DKK3: variants seen among roughly 807,000 people sequenced by gnomAD.
DKK3 encodes dickkopf Wnt signaling pathway inhibitor 3.
DKK3 carries 22 observed loss-of-function variants against 33.2 expected under a neutral mutation model. The observed-to-expected ratio is 0.66, with a 90% CI of 0.47 to 0.95. The LOEUF (loss-of-function observed/expected upper bound fraction) is 0.95, where lower values mean the gene tolerates loss of function less well. Among genes scored for constraint, DKK3 ranks in the 40% least tolerant of loss-of-function variants. The pLI, the probability that DKK3 is intolerant of heterozygous loss-of-function variation, is 0.00. For missense variants in DKK3, 398 were observed against 458.4 expected, an observed-to-expected ratio of 0.87 and a Z score of 1.20; for synonymous variants, 194 against 188.8, an observed-to-expected ratio of 1.03 and a Z score of -0.23.
At chr11:11,989,981 CTAAA>C (rs1402206255) in intron 3 of DKK3, among the ~76,000 whole-genome samples, 2 of 152,104 alleles carry the variant, frequency 1.3e-5, no homozygotes, top group Non-Finnish European at 2.9e-5. Flanking sequence ...CAGCGCCTGA[CTAAA>C]TAAGGGAATA....
In DKK3 at chr11:11,965,797, A is replaced by G. The variant is rs745692803; in HGVS notation, c.830+12T>C. The G allele has an allele frequency of 9.9e-6, 16 of 1,613,054 alleles. No individual in the cohort carries two copies. Among genetic ancestry groups the G allele is most frequent in the Non-Finnish European group, 1.4e-5 (16 of 1,179,732 alleles). ...CCTTGGCTCCCTGAGAGTGAGGGTT[A>G]GGGGGCCTCACCTGTGGGGCTGGCA... On this transcript the variant is annotated intron_variant, in intron 6 of 6. Transcript: ENST00000683431.
intron 3 of DKK3, among the ~76,000 whole-genome samples, chr11:11,985,475 G>A (rs767882645): frequency 2.0e-5 from 3 of 152,190 alleles, no homozygotes; most frequent in Non-Finnish European, 4.4e-5. Flanking sequence ...GATTAAGGGT[G>A]ATAAGTATGA....
chr11:12,002,512 T>A (rs1848452450), intron 1 of DKK3, 75 bp from the exon 2 acceptor site: 2 of 1,418,640 alleles, frequency 1.4e-6, no homozygotes. Context: ...AAAAAAAAAA[T>A]CTCTTTTCCT....
intron 3 of DKK3, among the ~76,000 whole-genome samples, chr11:11,986,101 C>T (rs1848065586): frequency 6.6e-6 from 1 of 152,130 alleles, no homozygotes; most frequent in Admixed American, 6.5e-5. Flanking sequence ...CCTCTGCCCA[C>T]CCCAGCCACC....
intron 3 of DKK3, among the ~76,000 whole-genome samples, chr11:11,987,482 G>C (rs1848095035): frequency 6.6e-6 from 1 of 152,226 alleles, no homozygotes; most frequent in African/African-American, 2.4e-5. Flanking sequence ...GTGGAACACA[G>C]GTTTCAAGGA....
chr11:11,977,204 T>C (rs746498989), intron 3 of DKK3, among the ~76,000 whole-genome samples: 1 of 152,108 alleles, frequency 6.6e-6, no homozygotes, highest in South Asian at 2.1e-4. Context: ...TGGAGAACAC[T>C]GCTCCTAACC....
At chr11:11,988,968 A>G (rs1848131089) in intron 3 of DKK3, among the ~76,000 whole-genome samples, 1 of 152,240 alleles carries the variant, frequency 6.6e-6, no homozygotes, top group Non-Finnish European at 1.5e-5. Flanking sequence ...GCACTGCCTT[A>G]TCCAAGGACA....
chr11:11,997,933 G>T (rs1287129818), intron 3 of DKK3, among the ~76,000 whole-genome samples: 1 of 151,986 alleles, frequency 6.6e-6, no homozygotes, highest in South Asian at 2.1e-4. Flanking sequence ...GATACAGGGG[G>T]GCTGGCTTCC....
chr11:11,976,498 T>G (rs1338275699), intron 3 of DKK3, among the ~76,000 whole-genome samples: 1 of 152,216 alleles, frequency 6.6e-6, no homozygotes, highest in Non-Finnish European at 1.5e-5. Context: ...TGAAGTCACT[T>G]GCCAAAATCA....
intron 2 of DKK3, 63 bp from the exon 3 acceptor site, chr11:11,998,842 GT>G (rs1848358430): frequency 6.7e-7 from 1 of 1,481,650 alleles, no homozygotes; most frequent in Non-Finnish European, 9.4e-7. Context: ...TCCACAAGTT[GT>G]TTTTGTGTTT....
chr11:11,990,666 T>TCTCCCCCAGCTTTACTTGCTG (rs1437510782), intron 3 of DKK3, among the ~76,000 whole-genome samples: 1 of 152,164 alleles, frequency 6.6e-6, no homozygotes, highest in East Asian at 1.9e-4. Flanking sequence ...CATCCCTGCC[T>TCTCCCCCAGCTTTACTTGCTG]CTCCCCCAGC....
chr11:11,970,618 C>T (rs11602449), intron 3 of DKK3, among the ~76,000 whole-genome samples: 36,565 of 152,058 alleles, frequency 0.24, 4,665 homozygotes, highest in Middle Eastern at 0.44. Context: ...AGGTAGGGAG[C>T]GCACTCTGGA....
At chr11:11,998,513 T>C in intron 3 of DKK3, 183 bp downstream of exon 3, 1 of 665,870 alleles carries the variant, frequency 1.5e-6, no homozygotes, top group Non-Finnish European at 2.7e-6. Flanking sequence ...CATGGAGGCG[T>C]AACCTATTAC....
In DKK3 at chr11:11,997,293, T is replaced by C. The variant is rs146420189; in HGVS notation, c.435+1403A>G. On this transcript the variant is annotated intron_variant, in intron 3 of 6. Coordinates refer to ENST00000683431, the MANE Select transcript of DKK3 (RefSeq NM_001018057.2). ...ACAACCCTGTGAGTTCTGCTTCCCC[T>C]GCCCTTTTCATTCTACAACTCTGCT... Among the ~76,000 whole-genome samples, 132 of 152,306 alleles carry C rather than the reference T, an allele frequency of 8.7e-4. 1 individual carries two copies. Among genetic ancestry groups the C allele is most frequent in the African/African-American group, 3.1e-3 (127 of 41,566 alleles).
intron 3 of DKK3, among the ~76,000 whole-genome samples, chr11:11,989,890 G>C (rs1848152833): frequency 6.6e-6 from 1 of 152,176 alleles, no homozygotes; most frequent in Non-Finnish European, 1.5e-5. Context: ...TACTTCATCT[G>C]TAAAATGGGG....
At position 12,008,060 on chromosome 11, in the gene DKK3, A is replaced by T. The variant is rs1257841968; in HGVS notation, c.213+310T>A. ...AGGGGCCCTGCAAACCTCTGCTGACAATAGGGAAGGCCAACGGCATGCCTG... is the reference window on the plus strand; with the variant it reads ...AGGGGCCCTGCAAACCTCTGCTGACTATAGGGAAGGCCAACGGCATGCCTG... On this transcript the variant is annotated intron_variant, in intron 1 of 6. Transcript: ENST00000683431. This position sits in a 1 kb window ranked among gnomAD's most constrained non-coding sequence, Gnocchi z 4.6. Among the ~76,000 whole-genome samples the T allele has an allele frequency of 6.6e-6, 1 of 151,998 alleles. No homozygotes were observed. The highest frequency in any genetic ancestry group is 6.6e-5 in the Admixed American group (1 of 15,264).
At chr11:11,991,821 G>T (rs1240320156) in intron 3 of DKK3, among the ~76,000 whole-genome samples, 1 of 152,158 alleles carries the variant, frequency 6.6e-6, no homozygotes, top group Non-Finnish European at 1.5e-5. Context: ...ACTGAGAAGT[G>T]CCTTTGCTTA....
At position 11,963,202 on chromosome 11, in the gene DKK3, C is replaced by T. The variant is rs1847497729; in HGVS notation, c.*1262G>A. On this transcript the variant is annotated 3_prime_UTR_variant, in exon 7 of 7. Transcript: ENST00000683431. ...AGCATGCTTATACAATCATGTGCAA[C>T]TTTAAACTTTAAGAACTCTGGATGA... The T allele has an allele frequency of 6.6e-6, 1 of 152,612 alleles. No individual in the cohort carries two copies. The highest frequency in any genetic ancestry group is 6.5e-5 in the Admixed American group (1 of 15,276). 9.5% of individuals were successfully genotyped at this position (152,612 alleles called of 1,614,324 possible).
intron 3 of DKK3, among the ~76,000 whole-genome samples, chr11:11,970,523 C>G (rs940179107): frequency 6.6e-6 from 1 of 152,184 alleles, no homozygotes; most frequent in Non-Finnish European, 1.5e-5. Context: ...ACATCCTATT[C>G]CCCGGAACCT....
Sources: allele counts gnomAD v4.1 joint callset (sites outside exome capture counted in the v4.1 genomes callset), GRCh38; gene constraint gnomAD v4.1.1; non-coding constraint Gnocchi (gnomAD v3.1); transcripts MANE v1.5; gene names NCBI Gene and HGNC (gene_info 2026-07-23, HGNC 2026-07-21).